CFAP206: variants seen among roughly 807,000 people sequenced by gnomAD.
CFAP206 encodes the protein cilia- and flagella-associated protein 206.
Under a neutral mutation model 65.4 loss-of-function variants are expected in CFAP206, and 53 were observed. The observed-to-expected ratio is 0.81, with a 90% CI of 0.65 to 1.02. CFAP206 has a LOEUF of 1.02. Among genes scored for constraint, CFAP206 ranks in the 50% least tolerant of loss-of-function variants. CFAP206 has a pLI of 0.00. For missense variants in CFAP206, 663 were observed against 753.2 expected (o/e 0.88, Z 1.40); for synonymous variants, 250 against 254.4 (o/e 0.98, Z 0.17).
At chr6:87,463,624 A>AT in intron 12 of CFAP206, among the ~76,000 whole-genome samples, 1 of 152,322 alleles carries the variant, frequency 6.6e-6, no homozygotes, top group East Asian at 1.9e-4. Flanking sequence ...GGTGAAGTCC[A>AT]TTTTTAAAAG....
intron 7 of CFAP206, among the ~76,000 whole-genome samples, chr6:87,421,322 C>T (rs1767936672): frequency 6.6e-6 from 1 of 152,034 alleles, no homozygotes; most frequent in African/African-American, 2.4e-5. Flanking sequence ...CCCGTCTCTA[C>T]TAAAAATACA....
At chr6:87,452,833 C>G (rs1768568810) in intron 11 of CFAP206, among the ~76,000 whole-genome samples, 2 of 151,896 alleles carry the variant, frequency 1.3e-5, no homozygotes, top group Admixed American at 1.3e-4. Flanking sequence ...TTTACAGGAT[C>G]TAAAAAATAG....
rs1032889915 is a variant in CFAP206, at chr6:87,422,788, A to G, written c.841-3738A>G. The stretch of plus-strand genomic sequence containing the variant: ...ACAAAACAAACAAAAAAACAACTCC[A>G]GATGATTGTGAATAAATTCTTTTTA... On this transcript the variant is annotated intron_variant, in intron 7 of 12. Transcript: ENST00000369562. Among the ~76,000 whole-genome samples the G allele has an allele frequency of 4.6e-5, 7 of 152,082 alleles. No individual in the cohort carries two copies. The South Asian group carries it at 6.2e-4, about 14-fold the overall frequency.
At chr6:87,428,224 G>A (rs1016380206) in intron 8 of CFAP206, among the ~76,000 whole-genome samples, 54 of 151,858 alleles carry the variant, frequency 3.6e-4, no homozygotes, top group Admixed American at 1.8e-3. Context: ...CTGCCCTCAG[G>A]TGATCCGCCC....
chr6:87,422,714 G>A (rs1413143964), intron 7 of CFAP206, among the ~76,000 whole-genome samples: 2 of 149,840 alleles, frequency 1.3e-5, no homozygotes, highest in Non-Finnish European at 3.0e-5. Flanking sequence ...TTGCACCACT[G>A]CACTCTAGCC....
chr6:87,415,624 T>G, intron 4 of CFAP206, 62 bp from the exon 5 acceptor site: 16 of 1,454,836 alleles, frequency 1.1e-5, no homozygotes, highest in Non-Finnish European at 9.6e-7. Flanking sequence ...TTTTCTCTAG[T>G]TCTTACGTAA....
chr6:87,420,549 A>C (rs1664006662), intron 7 of CFAP206, among the ~76,000 whole-genome samples: 1 of 152,208 alleles, frequency 6.6e-6, no homozygotes, highest in Non-Finnish European at 1.5e-5. Flanking sequence ...AAGCTGCTTA[A>C]CTTCCCTGTG....
At chr6:87,461,204 G>T (rs763297887) in intron 12 of CFAP206, 39 bp downstream of exon 12, 4 of 1,389,466 alleles carry the variant, frequency 2.9e-6, no homozygotes, top group South Asian at 1.6e-5. Context: ...TATATGTTGG[G>T]GAATTTTAAT....
At chr6:87,422,605 G>T (rs1293962040) in intron 7 of CFAP206, among the ~76,000 whole-genome samples, 1 of 151,790 alleles carries the variant, frequency 6.6e-6, no homozygotes, top group Admixed American at 6.6e-5. Context: ...CAAAAAATTA[G>T]CCCGGTGCAG....
At chr6:87,426,469 T>G (rs913448817) in intron 7 of CFAP206, 57 bp from the exon 8 acceptor site, 2 of 1,337,302 alleles carry the variant, frequency 1.5e-6, no homozygotes, top group African/African-American at 3.0e-5. Flanking sequence ...CTGAAACACA[T>G]ATGATTTTTA....
At chr6:87,408,259 G>C (rs1767660489) in intron 1 of CFAP206, among the ~76,000 whole-genome samples, 170 bp downstream of exon 1, 1 of 152,214 alleles carries the variant, frequency 6.6e-6, no homozygotes, top group Non-Finnish European at 1.5e-5. Context: ...CTGGAACAGC[G>C]GTCCATTCCT....
chr6:87,460,954 A>G (rs1439383152), intron 11 of CFAP206, 68 bp from the exon 12 acceptor site: 1 of 1,381,182 alleles, frequency 7.2e-7, no homozygotes, highest in East Asian at 2.8e-5. Context: ...TTTTAGCTAA[A>G]TATTTTAGTT....
intron 11 of CFAP206, among the ~76,000 whole-genome samples, chr6:87,454,149 T>C (rs1057055912): frequency 6.6e-6 from 1 of 152,068 alleles, no homozygotes; most frequent in Non-Finnish European, 1.5e-5. Context: ...ACAGAGAAGA[T>C]CATTATATGA....
intron 8 of CFAP206, 35 bp downstream of exon 8, chr6:87,426,680 A>C (rs1254791894): frequency 8.0e-6 from 12 of 1,500,570 alleles, no homozygotes; most frequent in Non-Finnish European, 1.1e-5. Flanking sequence ...CCTTAAGGTG[A>C]ATTTCCTTTT....
intron 11 of CFAP206, among the ~76,000 whole-genome samples, chr6:87,437,104 G>A (rs1263485714): frequency 6.6e-6 from 1 of 152,080 alleles, no homozygotes; most frequent in Non-Finnish European, 1.5e-5. Context: ...TGAGTAGCTG[G>A]GATTACAGGC....
chr6:87,440,134 A>G (rs1028344764), intron 11 of CFAP206, among the ~76,000 whole-genome samples: 4 of 152,164 alleles, frequency 2.6e-5, no homozygotes, highest in Non-Finnish European at 4.4e-5. Context: ...CAAAGCATCA[A>G]TGTAGTTTTA....
At chr6:87,415,618 C>A in intron 4 of CFAP206, 68 bp from the exon 5 acceptor site, 1 of 1,395,172 alleles carries the variant, frequency 7.2e-7, no homozygotes, top group Non-Finnish European at 1.0e-6. Flanking sequence ...TCCAGTTTTT[C>A]TCTAGTTCTT....
At chr6:87,421,604 G>A (rs1767942657) in intron 7 of CFAP206, among the ~76,000 whole-genome samples, 1 of 152,178 alleles carries the variant, frequency 6.6e-6, no homozygotes, top group African/African-American at 2.4e-5. Context: ...AAAAGGGAGT[G>A]ATGATCGTAG....
At chr6:87,411,413 G>A (rs115916064) in intron 3 of CFAP206, among the ~76,000 whole-genome samples, 4 of 152,158 alleles carry the variant, frequency 2.6e-5, no homozygotes, top group Admixed American at 6.6e-5. Flanking sequence ...TGAGTTCCTC[G>A]TAGATCCTGA....
Sources: allele counts gnomAD v4.1 joint callset (sites outside exome capture counted in the v4.1 genomes callset), GRCh38; gene constraint gnomAD v4.1.1; transcripts MANE v1.5; gene names NCBI Gene and HGNC (gene_info 2026-07-23, HGNC 2026-07-21).